Variants in TANGO6 observed in about 807,000 individuals in gnomAD.
The protein encoded by TANGO6 is transport and Golgi organization protein 6 homolog.
In TANGO6, 90 loss-of-function variants were observed where a neutral mutation model predicts 114.2. The observed-to-expected ratio is 0.79, with a 90% confidence interval of 0.66 to 0.94. The LOEUF (loss-of-function observed/expected upper bound fraction) is 0.94, where lower values mean the gene tolerates loss of function less well. Among genes scored for constraint, TANGO6 ranks in the 40% least tolerant of loss-of-function variants. TANGO6 has a pLI of 0.00. For synonymous variants in TANGO6, 477 were observed against 509.8 expected (o/e 0.94, Z 0.87); for missense variants, 1,274 against 1,315.3 (o/e 0.97, Z 0.49).
intron 4 of TANGO6, among the ~76,000 whole-genome samples, chr16:68,872,118 G>C (rs1216697978): frequency 2.0e-5 from 3 of 151,704 alleles, no homozygotes; most frequent in Non-Finnish European, 4.4e-5. Flanking sequence ...CTACTCAGGA[G>C]GCTGAGGCAG....
intron 12 of TANGO6, among the ~76,000 whole-genome samples, chr16:68,923,074 AG>A (rs901767045): frequency 2.7e-5 from 4 of 148,112 alleles, no homozygotes; most frequent in Non-Finnish European, 5.9e-5. Context: ...CAGCCTCCCA[AG>A]TAGCTGGGAT....
chr16:68,979,499 G>A (rs1055959012), intron 15 of TANGO6, among the ~76,000 whole-genome samples: 1 of 152,110 alleles, frequency 6.6e-6, no homozygotes, highest in African/African-American at 2.4e-5. Context: ...CAAAGTGCTG[G>A]GATTACAGGC....
chr16:68,955,921 C>G (rs1181023600), intron 14 of TANGO6, among the ~76,000 whole-genome samples: 1 of 152,050 alleles, frequency 6.6e-6, no homozygotes, highest in Non-Finnish European at 1.5e-5. Flanking sequence ...AGGCCCGAGG[C>G]TGGAGGATTA....
chr16:68,873,567 G>T (rs1962310951), intron 4 of TANGO6, among the ~76,000 whole-genome samples: 1 of 152,134 alleles, frequency 6.6e-6, no homozygotes. Flanking sequence ...ACCTGCCTTG[G>T]CTTCCCAAAG....
At chr16:68,930,384 C>A in intron 14 of TANGO6, 89 bp downstream of exon 14, 2 of 1,068,156 alleles carry the variant, frequency 1.9e-6, no homozygotes, top group Non-Finnish European at 1.4e-6. Flanking sequence ...GTCCTAGGGC[C>A]AGGAGACTAC....
chr16:68,872,095 C>G (rs2050017453), intron 4 of TANGO6, among the ~76,000 whole-genome samples: 1 of 151,614 alleles, frequency 6.6e-6, no homozygotes, highest in Non-Finnish European at 1.5e-5. Flanking sequence ...GTGGTGCGTG[C>G]CTGTAGTCCC....
At chr16:69,069,135 C>T (rs1179683687) in intron 17 of TANGO6, among the ~76,000 whole-genome samples, 1 of 152,160 alleles carries the variant, frequency 6.6e-6, no homozygotes, top group African/African-American at 2.4e-5. Context: ...GTTCAAGATT[C>T]CCTAGCTAAT....
intron 7 of TANGO6, among the ~76,000 whole-genome samples, chr16:68,894,509 G>T (rs546860399): frequency 6.6e-6 from 1 of 152,130 alleles, no homozygotes; most frequent in East Asian, 1.9e-4. Flanking sequence ...GCTGTCCATG[G>T]TGCCACACGG....
intron 10 of TANGO6, among the ~76,000 whole-genome samples, chr16:68,908,742 C>A (rs971758271): frequency 3.9e-5 from 6 of 152,076 alleles, no homozygotes; most frequent in Non-Finnish European, 8.8e-5. Context: ...CTCATGGTCT[C>A]CAAAAGGGGT....
chr16:69,082,564 G>A (rs1281585732), intron 17 of TANGO6, among the ~76,000 whole-genome samples: 3 of 151,798 alleles, frequency 2.0e-5, no homozygotes, highest in Non-Finnish European at 4.4e-5. Context: ...GGCCAACAAG[G>A]TGAAACCCTG....
intron 2 of TANGO6, 98 bp from the exon 3 acceptor site, chr16:68,862,847 C>T (rs1254401682): frequency 1.2e-6 from 1 of 811,434 alleles, no homozygotes; most frequent in African/African-American, 1.7e-5. Context: ...CTTCTTTCCG[C>T]TCCTCTCACA....
rs78349611 is a variant in TANGO6 at position 68,977,482 on chromosome 16, G to A, written c.2842+3314G>A. The stretch of plus-strand genomic sequence containing the variant: ...GCCAAGGCGGGCGGATCATGAGACC[G>A]AGACGACGATCAAGAGATCGAGACC... On this transcript the variant is annotated intron_variant, in intron 15 of 17. Transcript: ENST00000261778. Among the ~76,000 whole-genome samples, 853 of 150,866 alleles carry A rather than the reference G, an allele frequency of 5.7e-3. 11 individuals carry two copies. The highest frequency in any genetic ancestry group is 0.02 in the African/African-American group (818 of 41,340).
rs190711682 is a variant in TANGO6, at chr16:68,847,628, C to A, written c.94+3917C>A. On this transcript the variant is annotated intron_variant, in intron 1 of 17. Transcript: ENST00000261778. Reference sequence around the variant, plus strand: ...AACAAGAGGGAAATAACACTCATTTCCGTTTGAGGTATACATTAGCCAAAG... The same window carrying A: ...AACAAGAGGGAAATAACACTCATTTACGTTTGAGGTATACATTAGCCAAAG... 4.3e-3 allele frequency among the ~76,000 whole-genome samples: 656 copies of A among 152,300 alleles called. 5 individuals carry two copies. The highest frequency in any genetic ancestry group is 4.6e-3 in the Non-Finnish European group (315 of 68,018).
chr16:68,983,707 C>A (rs1344052800), intron 15 of TANGO6, among the ~76,000 whole-genome samples: 1 of 152,142 alleles, frequency 6.6e-6, no homozygotes, highest in African/African-American at 2.4e-5. Context: ...TCCTCATCAT[C>A]ATCACAGCAC....
At chr16:68,872,330 C>G (rs1489805461) in intron 4 of TANGO6, among the ~76,000 whole-genome samples, 1 of 149,622 alleles carries the variant, frequency 6.7e-6, no homozygotes, top group African/African-American at 2.5e-5. Context: ...GAGGCAGAGT[C>G]TTGCTCTGTC....
chr16:68,969,733 G>A (rs1963684236), intron 14 of TANGO6, among the ~76,000 whole-genome samples: 1 of 152,032 alleles, frequency 6.6e-6, no homozygotes, highest in African/African-American at 2.4e-5. Context: ...CCAGAAAAAG[G>A]GTGTGTTAGG....
At chr16:68,940,064 C>A (rs1405840460) in intron 14 of TANGO6, among the ~76,000 whole-genome samples, 1 of 150,574 alleles carries the variant, frequency 6.6e-6, no homozygotes, top group African/African-American at 2.4e-5. Context: ...CATTTCCTTT[C>A]TTTCCCTTCT....
intron 8 of TANGO6, 22 bp from the exon 9 acceptor site, chr16:68,902,306 T>C: frequency 1.9e-6 from 3 of 1,599,470 alleles, no homozygotes; most frequent in Non-Finnish European, 2.6e-6. Flanking sequence ...ACAAGCTCAT[T>C]CATAACTGCT....
chr16:68,868,259 G>C (rs1962210915), intron 4 of TANGO6, among the ~76,000 whole-genome samples: 1 of 151,792 alleles, frequency 6.6e-6, no homozygotes, highest in African/African-American at 2.4e-5. Flanking sequence ...TATTATCTAA[G>C]TTCTCATTAA....
Sources: allele counts gnomAD v4.1 joint callset (sites outside exome capture counted in the v4.1 genomes callset), GRCh38; gene constraint gnomAD v4.1.1; transcripts MANE v1.5; gene names NCBI Gene and HGNC (gene_info 2026-07-23, HGNC 2026-07-21).